Variants in MAP4K4 observed in about 807,000 individuals in gnomAD.
MAP4K4 encodes HPK/GCK-like kinase HGK.
A neutral mutation model predicts 189.6 loss-of-function variants in MAP4K4; 38 were observed. The observed-to-expected ratio is 0.20, with a 90% CI of 0.15 to 0.26. MAP4K4 has a LOEUF of 0.26. Among genes scored for constraint, MAP4K4 ranks in the 10% least tolerant of loss-of-function variants. The pLI is 1.00. For missense variants in MAP4K4, 1,054 were observed against 1,726.9 expected, an observed-to-expected ratio of 0.61 and a Z score of 6.91; for synonymous variants, 610 against 624.3, an observed-to-expected ratio of 0.98 and a Z score of 0.34.
At chr2:101,854,099 C>T (rs759641437) in intron 12 of MAP4K4, among the ~76,000 whole-genome samples, 7 of 152,010 alleles carry the variant, frequency 4.6e-5, no homozygotes, top group Non-Finnish European at 1.0e-4. Context: ...CAAGGATTCC[C>T]GGGAAGTTTG....
chr2:101,876,959 C>T (rs779931026), intron 26 of MAP4K4, 44 bp from the exon 27 acceptor site: 1 of 1,606,710 alleles, frequency 6.2e-7, no homozygotes, highest in East Asian at 2.2e-5. Context: ...GGGGATTTGC[C>T]AAGCACAGCA....
chr2:101,845,672 C>A (rs997892400), intron 12 of MAP4K4, among the ~76,000 whole-genome samples: 2 of 152,124 alleles, frequency 1.3e-5, no homozygotes, highest in African/African-American at 4.8e-5. Flanking sequence ...TATGGGACCA[C>A]CATTGTATAT....
chr2:101,848,528 C>T (rs1370013561), intron 12 of MAP4K4, among the ~76,000 whole-genome samples: 2 of 152,208 alleles, frequency 1.3e-5, no homozygotes, highest in East Asian at 1.9e-4. Context: ...TGTTATCTAT[C>T]AGCAGACTGG....
chr2:101,891,291 A>G (rs759928029), exon 33 of MAP4K4: 1 of 1,546,208 alleles, frequency 6.5e-7, no homozygotes, highest in Middle Eastern at 1.7e-4. Flanking sequence ...AGAGTCTTCA[A>G]GATCCTGAGA....
intron 6 of MAP4K4, chr2:101,829,828 A>C: frequency 2.4e-6 from 1 of 408,940 alleles, no homozygotes; most frequent in Non-Finnish European, 4.5e-6. Context: ...CTGATCTTCA[A>C]ATCAGACCAT....
intron 16 of MAP4K4, chr2:101,861,370 T>G: frequency 2.5e-5 from 4 of 162,252 alleles, no homozygotes; most frequent in Admixed American, 6.0e-5. Flanking sequence ...GTAAGCGCTT[T>G]ACTGTGTGAG....
chr2:101,739,750 T>A (rs1011930964), intron 2 of MAP4K4, among the ~76,000 whole-genome samples: 31 of 152,244 alleles, frequency 2.0e-4, no homozygotes, highest in African/African-American at 7.0e-4. Flanking sequence ...TTCACTTGGA[T>A]TAGAGTTGTT....
rs117566787 is a variant in MAP4K4, at chr2:101,754,544, A to G, written c.124-36176A>G. Among the ~76,000 whole-genome samples the G allele has an allele frequency of 1.3e-3, 195 of 151,918 alleles. 3 individuals carry two copies. The East Asian group carries it at 0.035, about 27-fold the overall frequency. ...TTTTTGTATTTTTAGTAGAGACAGG[A>G]TATCACTATATGTTGGCCAGGCTGG... On this transcript the variant is annotated intron_variant, in intron 2 of 32. Transcript: ENST00000324219.
chr2:101,834,228 C>CCCTCCCTT lies in MAP4K4; in HGVS notation c.640-174_640-167dup, dbSNP rs3216993. 0.11 allele frequency among the ~76,000 whole-genome samples: 14,628 copies of CCCTCCCTT among 130,102 alleles called. 1,109 individuals carry two copies. The highest frequency in any genetic ancestry group is 0.17 in the Middle Eastern group (44 of 254). The allele number at this position is 130,102 out of a possible 152,430, so 85.4% of individuals were successfully genotyped here. A position where few individuals can be genotyped will look rare whatever the true frequency, so the allele number is the denominator to read the frequency against. ...TCCCTCCATCCCTCCATCCCTCCAT[C>CCCTCCCTT]CCTCCCTTCCTCCCCTCCCCTCCCC... is the stretch of plus-strand genomic sequence containing the variant. On this transcript the variant is annotated intron_variant, in intron 7 of 32. Coordinates refer to ENST00000324219, the Ensembl canonical transcript of MAP4K4.
At chr2:101,862,424 CAATT>C (rs1039607166) in intron 16 of MAP4K4, among the ~76,000 whole-genome samples, 1 of 151,662 alleles carries the variant, frequency 6.6e-6, no homozygotes, top group Admixed American at 6.6e-5. Flanking sequence ...TAACTGGACA[CAATT>C]AAAAGAGGAT....
chr2:101,799,060 C>T (rs1360913355), intron 3 of MAP4K4, among the ~76,000 whole-genome samples: 1 of 152,050 alleles, frequency 6.6e-6, no homozygotes, highest in African/African-American at 2.4e-5. Context: ...CTCCTCTTTC[C>T]CAGGAACATA....
chr2:101,735,272 AG>A, intron 2 of MAP4K4, among the ~76,000 whole-genome samples: 1 of 152,280 alleles, frequency 6.6e-6, no homozygotes, highest in Middle Eastern at 3.4e-3. Flanking sequence ...GCTTTCTTAC[AG>A]GGGCAAATGG....
intron 15 of MAP4K4, 164 bp downstream of exon 15, chr2:101,860,028 T>TG: frequency 2.7e-6 from 2 of 727,632 alleles, no homozygotes; most frequent in Non-Finnish European, 2.3e-6. Context: ...TGGAGGGCCT[T>TG]GCCCAAGGTT....
At chr2:101,736,546 T>C (rs969231019) in intron 2 of MAP4K4, among the ~76,000 whole-genome samples, 3 of 152,252 alleles carry the variant, frequency 2.0e-5, no homozygotes. Flanking sequence ...CACTTGCTTA[T>C]TGCAGCAGTG....
intron 2 of MAP4K4, among the ~76,000 whole-genome samples, chr2:101,744,597 G>A (rs970367328): frequency 6.6e-6 from 1 of 152,146 alleles, no homozygotes; most frequent in African/African-American, 2.4e-5. Context: ...CCTTGGGTTG[G>A]GGGGTGTGTG....
chr2:101,793,984 T>A (rs1159720034), intron 3 of MAP4K4, among the ~76,000 whole-genome samples: 1 of 152,206 alleles, frequency 6.6e-6, no homozygotes, highest in Non-Finnish European at 1.5e-5. Context: ...GGCATTTATT[T>A]GCAAGAGATG....
chr2:101,773,626 G>A (rs994409371), intron 2 of MAP4K4, among the ~76,000 whole-genome samples: 3 of 152,152 alleles, frequency 2.0e-5, no homozygotes, highest in Non-Finnish European at 4.4e-5. Context: ...TATTTAAAAT[G>A]TACAATTAAA....
intron 2 of MAP4K4, among the ~76,000 whole-genome samples, chr2:101,774,795 C>T (rs941041174): frequency 1.3e-5 from 2 of 152,296 alleles, no homozygotes; most frequent in African/African-American, 4.8e-5. Context: ...AAGCCCCTCT[C>T]ATGCAGTTCC....
chr2:101,851,621 A>ATGT (rs1225403916), intron 12 of MAP4K4, among the ~76,000 whole-genome samples: 6 of 151,498 alleles, frequency 4.0e-5, no homozygotes, highest in Non-Finnish European at 8.8e-5. Context: ...CCTATTCTGA[A>ATGT]TGTAGTGGTT....
Sources: allele counts gnomAD v4.1 joint callset (sites outside exome capture counted in the v4.1 genomes callset), GRCh38; gene constraint gnomAD v4.1.1; transcripts MANE v1.5; gene names NCBI Gene and HGNC (gene_info 2026-07-23, HGNC 2026-07-21).